MRPL3: variants seen among roughly 807,000 people sequenced by gnomAD.
MRPL3 encodes the protein large ribosomal subunit protein uL3m.
Under a neutral mutation model 44.3 loss-of-function variants are expected in MRPL3, and 43 were observed. That is an observed-to-expected ratio of 0.97 (90% CI 0.76 to 1.25). The LOEUF is 1.25. MRPL3 is among the 50% of genes most tolerant of loss of function. The pLI is 0.00. For missense variants in MRPL3, 406 were observed against 427.6 expected, an observed-to-expected ratio of 0.95 and a Z score of 0.45; for synonymous variants, 171 against 152.3, an observed-to-expected ratio of 1.12 and a Z score of -0.91.
intron 5 of MRPL3, among the ~76,000 whole-genome samples, chr3:131,489,354 T>C (rs181959391): frequency 6.6e-6 from 1 of 152,208 alleles, no homozygotes; most frequent in East Asian, 1.9e-4. Context: ...TGCAACTGTA[T>C]TTTACTTAAA....
chr3:131,482,946 A>G (rs1934023599), intron 6 of MRPL3, among the ~76,000 whole-genome samples: 1 of 150,878 alleles, frequency 6.6e-6, no homozygotes, highest in African/African-American at 2.4e-5. Flanking sequence ...AGCAGAAAGC[A>G]TCTTTAGTTT....
chr3:131,477,299 T>C (rs1559818563), intron 6 of MRPL3, among the ~76,000 whole-genome samples: 1 of 152,198 alleles, frequency 6.6e-6, no homozygotes, highest in Non-Finnish European at 1.5e-5. Flanking sequence ...TCCCATCCCC[T>C]GAGTATCTCC....
At chr3:131,487,639 A>G in intron 6 of MRPL3, 41 bp downstream of exon 6, 1 of 1,484,460 alleles carries the variant, frequency 6.7e-7, no homozygotes, top group Non-Finnish European at 9.3e-7. Context: ...CTTTTAATAG[A>G]TGAAAACAAA....
At chr3:131,484,537 G>T (rs2110706399) in intron 6 of MRPL3, among the ~76,000 whole-genome samples, 1 of 152,128 alleles carries the variant, frequency 6.6e-6, no homozygotes, top group African/African-American at 2.4e-5. Flanking sequence ...GAGCCGAAAA[G>T]TTCCAAAATG....
At chr3:131,465,373 C>T (rs183962755) in intron 9 of MRPL3, among the ~76,000 whole-genome samples, 4 of 152,246 alleles carry the variant, frequency 2.6e-5, no homozygotes, top group Non-Finnish European at 2.9e-5. Context: ...ACTATTTATA[C>T]AACTACATCA....
chr3:131,498,126 G>T, intron 4 of MRPL3, 53 bp downstream of exon 4: 3 of 1,216,032 alleles, frequency 2.5e-6, no homozygotes, highest in Non-Finnish European at 2.4e-6. Context: ...AACTCATCCA[G>T]ATTTGAAACT....
At chr3:131,481,093 G>A (rs1307953941) in intron 6 of MRPL3, among the ~76,000 whole-genome samples, 1 of 152,196 alleles carries the variant, frequency 6.6e-6, no homozygotes, top group Non-Finnish European at 1.5e-5. Flanking sequence ...GCAAATCGGA[G>A]AGGTATGAAG....
intron 9 of MRPL3, among the ~76,000 whole-genome samples, chr3:131,465,577 G>C (rs545864125): frequency 1.3e-5 from 2 of 152,182 alleles, no homozygotes; most frequent in Admixed American, 6.5e-5. Context: ...AGGAGGATTT[G>C]ACATTTAAAA....
chr3:131,468,472 C>A lies in MRPL3; in HGVS notation c.817-304G>T, dbSNP rs371212291. ...CCATTAACAATAACAAGTGGAAATT[C>A]AATTTTATTTTATTTTTAGTTAATA... On this transcript the variant is annotated intron_variant, in intron 8 of 9. Transcript: ENST00000264995. 8.8e-4 allele frequency among the ~76,000 whole-genome samples: 134 copies of A among 152,110 alleles called. 6 individuals carry two copies. The South Asian group carries it at 0.027, about 30-fold the overall frequency.
chr3:131,501,884 T>G (rs1473436286), intron 1 of MRPL3, 169 bp from the exon 2 acceptor site: 4 of 1,539,672 alleles, frequency 2.6e-6, no homozygotes, highest in African/African-American at 1.4e-5. Context: ...CTCCCCACAT[T>G]CCTTCGGATA....
chr3:131,495,267 G>T (rs1934342152), intron 4 of MRPL3, among the ~76,000 whole-genome samples: 1 of 151,912 alleles, frequency 6.6e-6, no homozygotes, highest in African/African-American at 2.4e-5. Context: ...TGGAAGTCTG[G>T]ATACTTTTAG....
intron 3 of MRPL3, among the ~76,000 whole-genome samples, chr3:131,498,625 C>T (rs1934425289): frequency 6.7e-6 from 1 of 149,240 alleles, no homozygotes; most frequent in African/African-American, 2.5e-5. Context: ...TGGCAAGAAC[C>T]CGGGAGGCGG....
At chr3:131,481,465 T>C (rs1933984202) in intron 6 of MRPL3, among the ~76,000 whole-genome samples, 1 of 152,210 alleles carries the variant, frequency 6.6e-6, no homozygotes, top group African/African-American at 2.4e-5. Flanking sequence ...GGCTATGAAG[T>C]ACATTTACAA....
At chr3:131,470,079 G>A (rs1287623500) in intron 7 of MRPL3, among the ~76,000 whole-genome samples, 1 of 151,890 alleles carries the variant, frequency 6.6e-6, no homozygotes, top group African/African-American at 2.4e-5. Context: ...CAGACACACC[G>A]ACACCATCAT....
chr3:131,465,340 G>A (rs550904834), intron 9 of MRPL3, among the ~76,000 whole-genome samples: 2 of 152,266 alleles, frequency 1.3e-5, no homozygotes, highest in Admixed American at 1.3e-4. Flanking sequence ...ATAAATCTGA[G>A]TAATAAATGT....
At chr3:131,486,874 C>CGTTG (rs746890700) in intron 6 of MRPL3, among the ~76,000 whole-genome samples, 2 of 152,092 alleles carry the variant, frequency 1.3e-5, no homozygotes, top group Non-Finnish European at 2.9e-5. Context: ...ATTAGTTCAA[C>CGTTG]CATTATGGAA....
In MRPL3 at chr3:131,469,705, A is replaced by G. The variant is rs1933700357; in HGVS notation, c.807T>C (p.Tyr269=). Residue 269 remains tyrosine, a synonymous_variant, in exon 8 of 10, where the codon TAT becomes TAC. Transcript: ENST00000264995. ...GKMGNIYRTE[Y]GLKVWRINTK... ...CACTTGTAACACTTACTTTCAGTCC[A>G]TATTCTGTCCTGTATATGTTTCCCA... 9 of 1,610,336 alleles carry G rather than the reference A, an allele frequency of 5.6e-6. No homozygotes were observed. The highest frequency in any genetic ancestry group is 6.8e-6 in the Non-Finnish European group (8 of 1,177,626).
intron 6 of MRPL3, among the ~76,000 whole-genome samples, chr3:131,484,414 C>T (rs1430643353): frequency 6.6e-6 from 1 of 152,138 alleles, no homozygotes; most frequent in Non-Finnish European, 1.5e-5. Flanking sequence ...AAGCATGAGA[C>T]CCACTGCTCC....
chr3:131,481,907 A>G (rs1214178021), intron 6 of MRPL3, among the ~76,000 whole-genome samples: 1 of 152,226 alleles, frequency 6.6e-6, no homozygotes, highest in African/African-American at 2.4e-5. Context: ...TGTATCCTGA[A>G]GGCAGCACAT....
Sources: gnomAD v4.1 joint callset for allele counts (sites outside exome capture counted in the v4.1 genomes callset) on GRCh38, gnomAD v4.1.1 for gene constraint, MANE v1.5 for transcripts, NCBI Gene and HGNC (gene_info 2026-07-23, HGNC 2026-07-21) for gene names.